The following AUTS2 variants were observed in gnomAD, a reference collection of about 807,000 sequenced individuals.
AUTS2 encodes the protein autism susceptibility gene 2 protein.
Under a neutral mutation model 112.4 loss-of-function variants are expected in AUTS2, and 17 were observed. That is an observed-to-expected ratio of 0.15 (90% CI 0.10 to 0.23). AUTS2 has a LOEUF of 0.23. Among genes scored for constraint, AUTS2 ranks in the 10% least tolerant of loss-of-function variants. The probability of loss-of-function intolerance (pLI) is 1.00; values close to 1 mark genes in which losing one functional copy is unlikely to be tolerated. For synonymous variants in AUTS2, 751 were observed against 702.7 expected (o/e 1.07, Z -1.09); for missense variants, 1,510 against 1,701.6 (o/e 0.89, Z 1.98).
At chr7:70,392,199 G>C (rs1793895448) in intron 4 of AUTS2, among the ~76,000 whole-genome samples, 1 of 152,136 alleles carries the variant, frequency 6.6e-6, no homozygotes, top group Non-Finnish European at 1.5e-5. Flanking sequence ...GGGCAAGAAT[G>C]GTTTCTTGCC....
intron 2 of AUTS2, among the ~76,000 whole-genome samples, chr7:70,117,349 A>G (rs1442077203): frequency 6.6e-6 from 1 of 152,198 alleles, no homozygotes; most frequent in Non-Finnish European, 1.5e-5. Flanking sequence ...GGATAACATC[A>G]CAGCATCTCA....
At chr7:69,793,488 C>G (rs550362225) in intron 1 of AUTS2, among the ~76,000 whole-genome samples, 12 of 152,130 alleles carry the variant, frequency 7.9e-5, no homozygotes, top group South Asian at 2.1e-4. Context: ...TTAGTGTAAC[C>G]TGTGACATGA....
At chr7:70,036,332 A>G (rs137906880) in intron 2 of AUTS2, among the ~76,000 whole-genome samples, 76 of 152,346 alleles carry the variant, frequency 5.0e-4, no homozygotes, top group African/African-American at 1.6e-3. Flanking sequence ...TAACAACAAT[A>G]TGGGAATCAT....
chr7:69,878,384 C>T (rs889638843), intron 1 of AUTS2, among the ~76,000 whole-genome samples: 4 of 152,138 alleles, frequency 2.6e-5, no homozygotes, highest in Admixed American at 2.0e-4. Context: ...CGTTTATTTA[C>T]CCCCACACCT....
intron 2 of AUTS2, among the ~76,000 whole-genome samples, chr7:69,995,038 A>G (rs547021099): frequency 1.3e-5 from 2 of 152,164 alleles, no homozygotes; most frequent in African/African-American, 2.4e-5. Context: ...TGTGGCCTTA[A>G]TAAGCCCTCT....
chr7:70,563,753 C>T (rs1215587873), intron 5 of AUTS2, among the ~76,000 whole-genome samples: 1 of 152,210 alleles, frequency 6.6e-6, no homozygotes, highest in African/African-American at 2.4e-5. Context: ...CTCGTAATTA[C>T]AGTGAGGAAG....
chr7:70,268,299 G>A (rs1432770565), intron 4 of AUTS2, among the ~76,000 whole-genome samples: 2 of 152,184 alleles, frequency 1.3e-5, no homozygotes, highest in Non-Finnish European at 2.9e-5. Context: ...GGAGTCTAGG[G>A]AAGGGAGGAG....
chr7:70,511,030 G>A (rs1057154589), intron 5 of AUTS2, among the ~76,000 whole-genome samples: 6 of 151,964 alleles, frequency 3.9e-5, no homozygotes, highest in African/African-American at 7.3e-5. Flanking sequence ...TGTATTTTTT[G>A]TAGAGACGAG....
intron 5 of AUTS2, among the ~76,000 whole-genome samples, chr7:70,450,491 T>C (rs150081613): frequency 1.4e-3 from 214 of 152,262 alleles, no homozygotes; most frequent in African/African-American, 4.5e-3. Context: ...GCTTAGCATG[T>C]GGAGAGAAGC....
At chr7:70,520,202 A>G (rs1008588888) in intron 5 of AUTS2, among the ~76,000 whole-genome samples, 1 of 152,098 alleles carries the variant, frequency 6.6e-6, no homozygotes, top group African/African-American at 2.4e-5. Context: ...AGTATTATCA[A>G]GTCTTGTTCT....
intron 2 of AUTS2, among the ~76,000 whole-genome samples, chr7:69,928,913 G>A (rs1157022645): frequency 6.6e-6 from 1 of 152,140 alleles, no homozygotes. Context: ...TCCTCGCAGT[G>A]GCCAATCCAG....
intron 4 of AUTS2, among the ~76,000 whole-genome samples, chr7:70,402,901 C>T (rs927222287): frequency 1.3e-5 from 2 of 152,178 alleles, no homozygotes; most frequent in Admixed American, 1.3e-4. Flanking sequence ...CATGTACTCC[C>T]CTGGATGCAC....
chr7:70,082,610 AC>A (rs1464886168), intron 2 of AUTS2, among the ~76,000 whole-genome samples: 1 of 152,152 alleles, frequency 6.6e-6, no homozygotes, highest in Non-Finnish European at 1.5e-5. Flanking sequence ...TGAATGAGAA[AC>A]CTGGCCTTTT....
intron 1 of AUTS2, among the ~76,000 whole-genome samples, chr7:69,826,778 A>G (rs759735206): frequency 6.6e-6 from 1 of 152,196 alleles, no homozygotes; most frequent in South Asian, 2.1e-4. Flanking sequence ...TGTGTCTAGG[A>G]TGATAATGTT....
intron 5 of AUTS2, among the ~76,000 whole-genome samples, chr7:70,449,526 G>T (rs569962728): frequency 6.6e-6 from 1 of 152,222 alleles, no homozygotes; most frequent in African/African-American, 2.4e-5. Flanking sequence ...AGAAAGTTAG[G>T]AGTTGGGCCT....
chr7:70,418,372 C>T (rs1171197544), intron 4 of AUTS2, among the ~76,000 whole-genome samples: 2 of 152,198 alleles, frequency 1.3e-5, no homozygotes, highest in Non-Finnish European at 2.9e-5. Context: ...TTTCTCACTT[C>T]ATACCCACAC....
intron 1 of AUTS2, among the ~76,000 whole-genome samples, chr7:69,832,318 G>T (rs1217470020): frequency 6.6e-6 from 1 of 152,186 alleles, no homozygotes; most frequent in Non-Finnish European, 1.5e-5. Context: ...TTGAATATGG[G>T]AATGGGTTCT....
chr7:69,977,352 T>C (rs998296734), intron 2 of AUTS2, among the ~76,000 whole-genome samples: 1 of 152,218 alleles, frequency 6.6e-6, no homozygotes, highest in African/African-American at 2.4e-5. Flanking sequence ...AGTTTTGTAA[T>C]ATATTTTGAA....
chr7:70,715,517 C>G (rs1270494302), intron 6 of AUTS2, among the ~76,000 whole-genome samples: 1 of 145,924 alleles, frequency 6.9e-6, no homozygotes, highest in Non-Finnish European at 1.5e-5. Flanking sequence ...TTTTTCTTTT[C>G]TTTTCTTTTC....
Sources: allele counts gnomAD v4.1 joint callset (sites outside exome capture counted in the v4.1 genomes callset), GRCh38; gene constraint gnomAD v4.1.1; transcripts MANE v1.5; gene names NCBI Gene and HGNC (gene_info 2026-07-23, HGNC 2026-07-21).